The following RELN variants were observed in gnomAD, a reference collection of about 807,000 sequenced individuals.
RELN encodes the protein reelin.
RELN carries 108 observed loss-of-function variants against 427.6 expected under a neutral mutation model. The ratio of observed to expected loss-of-function variants is 0.25; its 90% confidence interval spans 0.22 to 0.30. RELN has a LOEUF of 0.30. Ranked by LOEUF, RELN falls within the 10% of genes least tolerant of loss-of-function variation. RELN has a pLI of 1.00. For synonymous variants in RELN, 1,524 were observed against 1,513.4 expected (o/e 1.01, Z -0.16); for missense variants, 3,715 against 4,302.8 (o/e 0.86, Z 3.82).
rs111724968 is a variant in RELN at position 103,472,982 on chromosome 7, A to C, written c.10287-74T>G. The C allele has an allele frequency of 6.8e-5, 81 of 1,182,584 alleles. No individual in the cohort carries two copies. The African/African-American group carries it at 1.1e-3, about 16-fold the overall frequency. The allele number at this position is 1,182,584 out of a possible 1,614,324, so 73.3% of individuals were successfully genotyped here. On this transcript the variant is annotated intron_variant, in intron 64 of 64. Coordinates refer to ENST00000428762, the MANE Select transcript of RELN (RefSeq NM_005045.4). Reference sequence around the variant, plus strand: ...ATGTAAGTCCCATCATTGAACGTGCAATCTATTCTAGGTCCTAAGTTACTC... The same window carrying C: ...ATGTAAGTCCCATCATTGAACGTGCCATCTATTCTAGGTCCTAAGTTACTC...
At chr7:103,701,823 C>T (rs1330342626) in intron 8 of RELN, among the ~76,000 whole-genome samples, 1 of 151,594 alleles carries the variant, frequency 6.6e-6, no homozygotes, top group Non-Finnish European at 1.5e-5. Flanking sequence ...AATGAATGAA[C>T]CAAAACAAAA....
At chr7:103,633,632 G>T (rs1341293737) in intron 19 of RELN, among the ~76,000 whole-genome samples, 1 of 152,008 alleles carries the variant, frequency 6.6e-6, no homozygotes, top group Non-Finnish European at 1.5e-5. Context: ...GCTGTCAAAT[G>T]GCAGGCAAGA....
chr7:103,792,022 C>T (rs559804367), intron 3 of RELN, among the ~76,000 whole-genome samples: 3 of 151,914 alleles, frequency 2.0e-5, no homozygotes, highest in Non-Finnish European at 4.4e-5. Flanking sequence ...AATGAAATAC[C>T]ATTCTACTCC....
chr7:103,515,224 T>A lies in RELN; in HGVS notation c.8080A>T (p.Arg2694Trp). 1 of 1,614,162 alleles carries A rather than the reference T, an allele frequency of 6.2e-7. No individual in the cohort carries two copies. Among genetic ancestry groups the A allele is most frequent in the Non-Finnish European group, 8.5e-7 (1 of 1,180,016 alleles). ...TCCATAAACATGTCAAAGGCGATCCTCCCGACAGGGCCGGCATCTGCAGGG... is the reference window on the plus strand; with the variant it reads ...TCCATAAACATGTCAAAGGCGATCCACCCGACAGGGCCGGCATCTGCAGGG... ...RSPADAGPVG[R>W]IAFDMFMEDK... Residue 2694 changes from arginine (R) to tryptophan (W), a missense_variant, in exon 50 of 65, where the codon AGG becomes TGG. Coordinates refer to ENST00000428762, the MANE Select transcript of RELN (RefSeq NM_005045.4).
intron 11 of RELN, among the ~76,000 whole-genome samples, chr7:103,675,532 A>C (rs540675004): frequency 1.3e-5 from 2 of 152,310 alleles, no homozygotes; most frequent in African/African-American, 4.8e-5. Context: ...AATTGGAAAA[A>C]ACTACTTTAA....
intron 12 of RELN, among the ~76,000 whole-genome samples, chr7:103,659,034 T>C (rs1359236651): frequency 6.6e-6 from 1 of 151,728 alleles, no homozygotes; most frequent in Admixed American, 6.6e-5. Context: ...TGGGAGAACA[T>C]AGCAGTTCTA....
intron 3 of RELN, among the ~76,000 whole-genome samples, chr7:103,794,517 A>T (rs1360080065): frequency 1.3e-5 from 2 of 152,146 alleles, no homozygotes; most frequent in African/African-American, 2.4e-5. Flanking sequence ...GTAGATGCAT[A>T]TCACATGCAT....
intron 1 of RELN, among the ~76,000 whole-genome samples, chr7:103,955,697 A>T (rs1433734196): frequency 1.3e-5 from 2 of 152,192 alleles, no homozygotes; most frequent in African/African-American, 4.8e-5. Flanking sequence ...CCCGATCTAC[A>T]TGTAAAACAC....
At chr7:103,908,152 G>A (rs916512657) in intron 2 of RELN, among the ~76,000 whole-genome samples, 4 of 152,036 alleles carry the variant, frequency 2.6e-5, no homozygotes, top group South Asian at 4.1e-4. Flanking sequence ...TGGGGGTGGC[G>A]CTGATCCAGG....
chr7:103,858,737 CA>C (rs1159802665), intron 2 of RELN, among the ~76,000 whole-genome samples: 1 of 152,168 alleles, frequency 6.6e-6, no homozygotes, highest in Non-Finnish European at 1.5e-5. Flanking sequence ...ACACAAAATG[CA>C]AAGACGCTTC....
chr7:103,643,527 T>C (rs1311563535), intron 16 of RELN, among the ~76,000 whole-genome samples: 15 of 151,764 alleles, frequency 9.9e-5, no homozygotes. Context: ...TTTGGGGAGA[T>C]GAGATCTTGC....
intron 22 of RELN, among the ~76,000 whole-genome samples, chr7:103,608,385 TG>T (rs1831868354): frequency 6.6e-6 from 1 of 152,194 alleles, no homozygotes; most frequent in Non-Finnish European, 1.5e-5. Flanking sequence ...AATATTCTGC[TG>T]GGTTGTTTTT....
intron 10 of RELN, among the ~76,000 whole-genome samples, chr7:103,694,109 C>T (rs2106173): frequency 0.2 from 30,185 of 151,896 alleles, 3,861 homozygotes; most frequent in African/African-American, 0.35. Context: ...ACAGGTGGTA[C>T]GCATGGAACA....
At chr7:103,987,682 A>G (rs1797132181) in intron 1 of RELN, among the ~76,000 whole-genome samples, 1 of 152,200 alleles carries the variant, frequency 6.6e-6, no homozygotes, top group Non-Finnish European at 1.5e-5. Context: ...TTGCCATCAC[A>G]GTAGCTGCTC....
Position 103,731,722 on chromosome 7 carries a change from C to T in RELN, c.657-3515G>A, listed in dbSNP as rs114629040. Among the ~76,000 whole-genome samples, 637 of 152,054 alleles carry T rather than the reference C, an allele frequency of 4.2e-3. 4 individuals carry two copies. The highest frequency in any genetic ancestry group is 0.014 in the African/African-American group (597 of 41,516). ...GTAACTCAAGTAAGATATAATGGTG[C>T]CTTGAAATAAGGTGGGATGGAGCAA... On this transcript the variant is annotated intron_variant, in intron 6 of 64. Coordinates refer to ENST00000428762, the MANE Select transcript of RELN (RefSeq NM_005045.4).
intron 6 of RELN, among the ~76,000 whole-genome samples, chr7:103,748,590 C>G (rs902296069): frequency 1.2e-4 from 18 of 152,066 alleles, no homozygotes; most frequent in Non-Finnish European, 5.9e-5. Flanking sequence ...TTTTAATTTA[C>G]TATAAAAATA....
rs918482945 is a variant in RELN at position 103,872,895 on chromosome 7, A to G, written c.338-39223T>C. On this transcript the variant is annotated intron_variant, in intron 2 of 64. Coordinates refer to ENST00000428762, the MANE Select transcript of RELN (RefSeq NM_005045.4). ...AAGTGTCTGTTCATGTCCTTCGCCCACTTTTTGATGGGGTTGTTTGTTTTT... is the reference window on the plus strand; with the variant it reads ...AAGTGTCTGTTCATGTCCTTCGCCCGCTTTTTGATGGGGTTGTTTGTTTTT... Among the ~76,000 whole-genome samples, 130 of 150,156 alleles carry G rather than the reference A, an allele frequency of 8.7e-4. 1 individual carries two copies. Among genetic ancestry groups the G allele is most frequent in the African/African-American group, 3.1e-3 (126 of 41,138 alleles).
At position 103,766,985 on chromosome 7, in the gene RELN, G is replaced by A. The variant is rs114432672; in HGVS notation, c.544+9572C>T. ...CTTTGGGCTTTGGGGGCACTATAGG[G>A]CATGACTGCTGTCAGGCCACTAAGC... On this transcript the variant is annotated intron_variant, in intron 4 of 64. Transcript: ENST00000428762. 3.0e-3 allele frequency among the ~76,000 whole-genome samples: 452 copies of A among 152,330 alleles called. 2 individuals carry two copies. Among genetic ancestry groups the A allele is most frequent in the African/African-American group, 0.01 (416 of 41,564 alleles).
At chr7:103,610,944 A>C (rs1384761969) in intron 21 of RELN, 137 bp from the exon 22 acceptor site, 6 of 681,394 alleles carry the variant, frequency 8.8e-6, no homozygotes, top group Admixed American at 8.7e-5. Context: ...TATGGAAACA[A>C]TCCATGATTT....
Sources: allele counts gnomAD v4.1 joint callset (sites outside exome capture counted in the v4.1 genomes callset), GRCh38; gene constraint gnomAD v4.1.1; transcripts MANE v1.5; gene names NCBI Gene and HGNC (gene_info 2026-07-23, HGNC 2026-07-21).